The following NIPBL variants were observed in gnomAD, a reference collection of about 807,000 sequenced individuals.
NIPBL encodes the protein NIPBL cohesin loading factor, also known as nipped-B-like protein.
In NIPBL, 19 loss-of-function variants were observed where a neutral mutation model predicts 321.8. The ratio of observed to expected loss-of-function variants is 0.06; its 90% CI spans 0.04 to 0.09. NIPBL has a LOEUF of 0.09. Among genes scored for constraint, NIPBL ranks in the 10% least tolerant of loss-of-function variants. NIPBL has a pLI of 1.00. For synonymous variants in NIPBL, 1,106 were observed against 1,114.1 expected, an observed-to-expected ratio of 0.99 and a Z score of 0.14; for missense variants, 2,210 against 3,327.0, an observed-to-expected ratio of 0.66 and a Z score of 8.26.
intron 1 of NIPBL, among the ~76,000 whole-genome samples, chr5:36,895,642 G>A (rs556038882): frequency 6.6e-6 from 1 of 152,138 alleles, no homozygotes; most frequent in African/African-American, 2.4e-5. Flanking sequence ...CTGTCTGATT[G>A]TATTGGTCCT....
chr5:36,928,977 G>T (rs1468146690), intron 1 of NIPBL, among the ~76,000 whole-genome samples: 3 of 152,110 alleles, frequency 2.0e-5, no homozygotes, highest in African/African-American at 7.2e-5. Flanking sequence ...CATTCATGGA[G>T]AAATCTTTGT....
intron 11 of NIPBL, among the ~76,000 whole-genome samples, chr5:36,997,324 C>T (rs943627031): frequency 1.3e-5 from 2 of 152,058 alleles, no homozygotes; most frequent in African/African-American, 4.8e-5. Context: ...AAGTGACTGC[C>T]TCCATTACTA....
At chr5:37,033,663 CAT>C (rs1751326733) in intron 32 of NIPBL, among the ~76,000 whole-genome samples, 1 of 128,168 alleles carries the variant, frequency 7.8e-6, no homozygotes. Context: ...TTTTTAATTA[CAT>C]ATGTGTGTGT....
Position 36,987,628 on chromosome 5 carries a change from ACATT to A in NIPBL, c.3121+1332_3121+1335del, listed in dbSNP as rs551729180. 2.2e-3 allele frequency among the ~76,000 whole-genome samples: 333 copies of A among 152,284 alleles called. 2 individuals carry two copies. Among genetic ancestry groups the A allele is most frequent in the Non-Finnish European group, 3.7e-3 (254 of 68,010 alleles). On this transcript the variant is annotated intron_variant, in intron 10 of 46. Transcript: ENST00000282516. The stretch of plus-strand genomic sequence containing the variant: ...TGTTATTCTTGCTTGGTCTTCGTCA[ACATT>A]CATTTTTTCACTGTTAATTTATTTC...
chr5:36,877,425 G>A (rs1745172814), intron 1 of NIPBL, among the ~76,000 whole-genome samples: 1 of 152,226 alleles, frequency 6.6e-6, no homozygotes, highest in Admixed American at 6.5e-5. Context: ...GCGTAGGCCC[G>A]GCGGAGAGTG....
chr5:36,946,567 CATGT>C (rs1739699554), intron 1 of NIPBL, among the ~76,000 whole-genome samples: 2 of 100,160 alleles, frequency 2.0e-5, no homozygotes, highest in South Asian at 6.7e-4. Context: ...TATATATATG[CATGT>C]GTCTGTGTGT....
intron 15 of NIPBL, among the ~76,000 whole-genome samples, chr5:37,003,026 T>G (rs1747002200): frequency 6.6e-6 from 1 of 151,894 alleles, no homozygotes. Flanking sequence ...TTTTTTCATT[T>G]TCTCAAATAT....
chr5:37,014,068 C>A (rs1240379294), intron 21 of NIPBL, among the ~76,000 whole-genome samples: 1 of 151,580 alleles, frequency 6.6e-6, no homozygotes, highest in Non-Finnish European at 1.5e-5. Flanking sequence ...ACCAGTCAGG[C>A]GTGGCGGTGC....
intron 6 of NIPBL, among the ~76,000 whole-genome samples, chr5:36,968,092 T>A: frequency 9.6e-6 from 1 of 104,472 alleles, no homozygotes. Context: ...TGAGACTCTG[T>A]CTCAAAAAAA....
intron 6 of NIPBL, among the ~76,000 whole-genome samples, chr5:36,970,430 T>TAA (rs2149619215): frequency 6.7e-6 from 1 of 148,260 alleles, no homozygotes; most frequent in East Asian, 2.0e-4. Flanking sequence ...TATATATATA[T>TAA]AAAATCTCAG....
chr5:36,985,918 C>T lies in NIPBL; in HGVS notation c.2738C>T (p.Pro913Leu), dbSNP rs750577499. ...SRSDKLGFKS[P>L]TSKDDKRTEG... ...TCTGATAAACTTGGTTTTAAATCAC[C>T]AACTAGTAAAGATGACAAAAGGACA... Residue 913 changes from proline (P) to leucine (L), a missense_variant, in exon 10 of 47, where the codon CCA (proline) becomes CTA (leucine). Around this residue, in one of 14 missense-constraint regions of NIPBL, gnomAD observed 588 missense variants for 564.1 expected, o/e 1.04. Coordinates refer to ENST00000282516, the MANE Select transcript of NIPBL (RefSeq NM_133433.4). 6.2e-7 allele frequency: 1 copy of T among 1,613,738 alleles called. No homozygotes were observed. The highest frequency in any genetic ancestry group is 1.7e-5 in the Admixed American group (1 of 59,880).
chr5:36,883,557 T>TAATA (rs10658840), intron 1 of NIPBL, among the ~76,000 whole-genome samples: 85,433 of 151,326 alleles, frequency 0.56, 26,153 homozygotes, highest in African/African-American at 0.82. Flanking sequence ...TCTAAAACAC[T>TAATA]AATTATTAAA....
At chr5:36,961,993 G>A in intron 5 of NIPBL, 130 bp from the exon 6 acceptor site, 1 of 1,033,894 alleles carries the variant, frequency 9.7e-7, no homozygotes, top group South Asian at 1.5e-5. Flanking sequence ...TATTTTGCAA[G>A]ATTCTTCTGT....
At chr5:37,013,831 C>T (rs557576193) in intron 21 of NIPBL, among the ~76,000 whole-genome samples, 2 of 152,228 alleles carry the variant, frequency 1.3e-5, no homozygotes, top group Admixed American at 6.5e-5. Context: ...GCTGCAATCT[C>T]GGCACTTTGA....
intron 32 of NIPBL, among the ~76,000 whole-genome samples, chr5:37,036,029 ATGTGATAC>A (rs1449324477): frequency 6.6e-6 from 1 of 152,062 alleles, no homozygotes. Flanking sequence ...AACTAGTATT[ATGTGATAC>A]TGTGTTTTTG....
chr5:37,048,840 A>G (rs549693782), intron 39 of NIPBL, among the ~76,000 whole-genome samples, 165 bp downstream of exon 39: 1 of 152,264 alleles, frequency 6.6e-6, no homozygotes, highest in East Asian at 1.9e-4. Flanking sequence ...ATATTCTTAA[A>G]TTCTCTAAAA....
intron 1 of NIPBL, among the ~76,000 whole-genome samples, chr5:36,916,771 G>A (rs1463666747): frequency 6.6e-6 from 1 of 151,874 alleles, no homozygotes; most frequent in East Asian, 1.9e-4. Flanking sequence ...TGTCGTTGCA[G>A]TAGTTTGCTG....
Position 37,064,925 on chromosome 5 carries a change from T to A in NIPBL, c.*33T>A. ...GTACATGCAGCCAAATTTACAGGAA[T>A]TTTTTTAAAAGGCAGAAAAACTTGA... On this transcript the variant is annotated 3_prime_UTR_variant, in exon 47 of 47. Transcript: ENST00000282516. 1 of 1,613,504 alleles carries A rather than the reference T, an allele frequency of 6.2e-7. No individual in the cohort carries two copies. Among genetic ancestry groups the A allele is most frequent in the South Asian group, 1.1e-5 (1 of 91,032 alleles).
At chr5:37,061,546 G>A (rs1754676196) in intron 45 of NIPBL, among the ~76,000 whole-genome samples, 1 of 152,118 alleles carries the variant, frequency 6.6e-6, no homozygotes, top group African/African-American at 2.4e-5. Flanking sequence ...GGGGGCAGTG[G>A]TGTGCACCTG....
Sources: allele counts gnomAD v4.1 joint callset (sites outside exome capture counted in the v4.1 genomes callset), GRCh38; gene constraint gnomAD v4.1.1; regional missense constraint gnomAD v4.1.1; transcripts MANE v1.5; gene names NCBI Gene and HGNC (gene_info 2026-07-23, HGNC 2026-07-21).